BCR: variants seen among roughly 807,000 people sequenced by gnomAD.
BCR encodes BCR activator of RhoGEF and GTPase, also known as breakpoint cluster region protein.
In BCR, 58 loss-of-function variants were observed where a neutral mutation model predicts 138.6. That is an observed-to-expected ratio of 0.42 (90% confidence interval 0.34 to 0.52). The LOEUF (loss-of-function observed/expected upper bound fraction) is 0.52. Ranked by LOEUF, BCR falls within the 20% of genes least tolerant of loss-of-function variation. The pLI, the probability that BCR is intolerant of heterozygous loss-of-function variation, is 0.06. For missense variants in BCR, 1,599 were observed against 1,727.2 expected, an observed-to-expected ratio of 0.93 and a Z score of 1.32; for synonymous variants, 786 against 730.1, an observed-to-expected ratio of 1.08 and a Z score of -1.23.
intron 1 of BCR, among the ~76,000 whole-genome samples, chr22:23,238,055 G>C (rs998603657): frequency 6.6e-6 from 1 of 152,146 alleles, no homozygotes; most frequent in Non-Finnish European, 1.5e-5. Context: ...CTCGCAGGGA[G>C]CGTGGGTGGA....
intron 16 of BCR, chr22:23,307,423 C>T (rs1230294495): frequency 6.6e-6 from 1 of 151,332 alleles, no homozygotes; most frequent in African/African-American, 2.4e-5. Context: ...GTGGTATAAA[C>T]TCCTCCTTTC....
chr22:23,262,614 C>T (rs927422130), intron 4 of BCR, among the ~76,000 whole-genome samples: 3 of 152,096 alleles, frequency 2.0e-5, no homozygotes, highest in Non-Finnish European at 2.9e-5. Flanking sequence ...GGTGGTGGCT[C>T]GGGCTGGGCT....
At chr22:23,281,149 C>G (rs1338655852) in intron 8 of BCR, among the ~76,000 whole-genome samples, 1 of 152,242 alleles carries the variant, frequency 6.6e-6, no homozygotes, top group Non-Finnish European at 1.5e-5. Flanking sequence ...ATAGGATCTT[C>G]CCCTGTGCCC....
chr22:23,316,754 C>CAGGA lies in BCR; in HGVS notation c.*1233_*1236dup, dbSNP rs2074075886. 8.0e-6 allele frequency: 1 copy of CAGGA among 125,620 alleles called. No individual in the cohort carries two copies. The highest frequency in any genetic ancestry group is 3.2e-4 in the South Asian group (1 of 3,146). The allele number at this position is 125,620 out of a possible 1,614,324, so 7.8% of individuals were successfully genotyped here. ...CTCCCTCCCGGAGCAGGTGGAGGCACAGGACCATTCGCTACCCCATCTGCC... is the reference window on the plus strand; with the variant it reads ...CTCCCTCCCGGAGCAGGTGGAGGCACAGGAAGGACCATTCGCTACCCCATCTGCC... On this transcript the variant is annotated 3_prime_UTR_variant, in exon 23 of 23. Coordinates refer to ENST00000305877, the MANE Select transcript of BCR (RefSeq NM_004327.4).
chr22:23,279,601 C>T (rs1196131433), intron 8 of BCR, among the ~76,000 whole-genome samples: 1 of 152,256 alleles, frequency 6.6e-6, no homozygotes, highest in Non-Finnish European at 1.5e-5. Flanking sequence ...CAGCCAGCAG[C>T]TGGAAGCTCC....
At chr22:23,283,874 G>A (rs1233308772) in intron 8 of BCR, 103 bp from the exon 9 acceptor site, 1 of 1,402,236 alleles carries the variant, frequency 7.1e-7, no homozygotes, top group East Asian at 2.5e-5. Flanking sequence ...CCCAGGGAGA[G>A]AATGTCTCTG....
chr22:23,219,502 G>C (rs138945535), intron 1 of BCR, among the ~76,000 whole-genome samples: 2 of 152,208 alleles, frequency 1.3e-5, no homozygotes, highest in African/African-American at 2.4e-5. Context: ...GTCCACTATT[G>C]CATGGCCAGA....
intron 8 of BCR, among the ~76,000 whole-genome samples, 167 bp downstream of exon 8, chr22:23,273,941 G>A (rs35837404): frequency 0.23 from 35,136 of 152,136 alleles, 4,430 homozygotes; most frequent in Middle Eastern, 0.3. Context: ...GTGTCTGGGT[G>A]CAGTCTCAGG....
At chr22:23,299,146 G>C (rs935388433) in intron 16 of BCR, among the ~76,000 whole-genome samples, 1 of 151,532 alleles carries the variant, frequency 6.6e-6, no homozygotes, top group Non-Finnish European at 1.5e-5. Context: ...ACAGGCGCCC[G>C]CCACCACACC....
At chr22:23,252,177 C>T (rs2073235138) in intron 1 of BCR, among the ~76,000 whole-genome samples, 1 of 152,166 alleles carries the variant, frequency 6.6e-6, no homozygotes, top group South Asian at 2.1e-4. Flanking sequence ...GGAAGGTGGT[C>T]TATGACTCAG....
Position 23,298,805 on chromosome 22 carries a change from C to T in BCR, c.3012+3650C>T, listed in dbSNP as rs934695887. 2.0e-5 allele frequency among the ~76,000 whole-genome samples: 3 copies of T among 152,160 alleles called. No homozygotes were observed. The East Asian group carries it at 5.8e-4, about 29-fold the overall frequency. On this transcript the variant is annotated intron_variant, in intron 16 of 22. Transcript: ENST00000305877. ...TAGAGACGGGGTTTCACCATGTTGG[C>T]CAGGCTGGTCTCGAACTCCTGACCT...
chr22:23,299,560 T>C (rs531622286), intron 16 of BCR, among the ~76,000 whole-genome samples: 1 of 152,306 alleles, frequency 6.6e-6, no homozygotes, highest in East Asian at 1.9e-4. Flanking sequence ...TTGTCTCTGC[T>C]GCTGGAAAGT....
intron 1 of BCR, among the ~76,000 whole-genome samples, chr22:23,213,380 C>T (rs532206640): frequency 3.9e-5 from 6 of 152,272 alleles, no homozygotes; most frequent in Non-Finnish European, 7.4e-5. Flanking sequence ...TGTGGAGAGT[C>T]GTTCCCTTAA....
intron 4 of BCR, chr22:23,262,886 G>A (rs953292850): frequency 1.1e-5 from 12 of 1,065,760 alleles, no homozygotes; most frequent in African/African-American, 6.7e-5. Flanking sequence ...GCAGCGGGCC[G>A]GGGGCTGAGG....
At chr22:23,217,795 G>A (rs1355751363) in intron 1 of BCR, among the ~76,000 whole-genome samples, 9 of 152,224 alleles carry the variant, frequency 5.9e-5, no homozygotes, top group Admixed American at 2.0e-4. Context: ...CTTTGCCTAC[G>A]TGTGGGATGC....
chr22:23,231,085 C>G (rs982020866), intron 1 of BCR, among the ~76,000 whole-genome samples: 2 of 152,190 alleles, frequency 1.3e-5, no homozygotes, highest in Non-Finnish European at 2.9e-5. Flanking sequence ...TTGGGATTAG[C>G]AGTAAACAGT....
At chr22:23,275,007 C>T (rs1330465869) in intron 8 of BCR, among the ~76,000 whole-genome samples, 2 of 152,134 alleles carry the variant, frequency 1.3e-5, no homozygotes, top group Non-Finnish European at 2.9e-5. Flanking sequence ...GGGCCCTGTC[C>T]TCAGGGCCCC....
intron 1 of BCR, among the ~76,000 whole-genome samples, chr22:23,247,280 A>G (rs143709183): frequency 9.9e-5 from 15 of 152,170 alleles, no homozygotes; most frequent in Non-Finnish European, 1.5e-5. Context: ...TGGCCGAGCC[A>G]CCGGATGTTT....
intron 10 of BCR, among the ~76,000 whole-genome samples, chr22:23,285,935 G>A (rs960428811): frequency 5.3e-5 from 8 of 152,248 alleles, no homozygotes; most frequent in African/African-American, 7.2e-5. Context: ...TCAGTCAGCC[G>A]GGCGGGAGAG....
Sources: gnomAD v4.1 joint callset for allele counts (sites outside exome capture counted in the v4.1 genomes callset) on GRCh38, gnomAD v4.1.1 for gene constraint, MANE v1.5 for transcripts, NCBI Gene and HGNC (gene_info 2026-07-23, HGNC 2026-07-21) for gene names.